Variants in GRAMD2B observed in about 807,000 individuals in gnomAD.
GRAMD2B encodes GRAM domain-containing protein 2B.
GRAMD2B carries 41 observed loss-of-function variants against 59.2 expected under a neutral mutation model. The observed-to-expected ratio is 0.69, with a 90% confidence interval of 0.54 to 0.90. The LOEUF (loss-of-function observed/expected upper bound fraction) is 0.90. GRAMD2B is among the 40% of genes least tolerant of loss of function. The pLI is 0.00. For synonymous variants in GRAMD2B, 161 were observed against 182.7 expected (o/e 0.88, Z 0.96); for missense variants, 424 against 500.5 (o/e 0.85, Z 1.46).
upstream of GRAMD2B, chr5:126,371,229 G>T: frequency 1.2e-6 from 1 of 818,826 alleles, no homozygotes; most frequent in Non-Finnish European, 1.5e-6. Context: ...AGCAAACATA[G>T]GTAGGATGAA....
intron 1 of GRAMD2B, among the ~76,000 whole-genome samples, chr5:126,431,478 T>G (rs980817666): frequency 5.9e-5 from 9 of 152,224 alleles, no homozygotes; most frequent in African/African-American, 1.9e-4. Flanking sequence ...AACAGAGGAA[T>G]TGTGACTGAG....
At chr5:126,383,920 G>A (rs536813174) in intron 1 of GRAMD2B, among the ~76,000 whole-genome samples, 1 of 152,208 alleles carries the variant, frequency 6.6e-6, no homozygotes, top group Non-Finnish European at 1.5e-5. Flanking sequence ...GAGATTCCCA[G>A]GTCTACACTG....
At chr5:126,409,710 A>G (rs1758598715) in intron 1 of GRAMD2B, among the ~76,000 whole-genome samples, 1 of 152,034 alleles carries the variant, frequency 6.6e-6, no homozygotes, top group Non-Finnish European at 1.5e-5. Flanking sequence ...CCATTTGTCA[A>G]TTTTGGCTTT....
At chr5:126,465,999 G>A (rs946747467) in intron 2 of GRAMD2B, among the ~76,000 whole-genome samples, 6 of 152,276 alleles carry the variant, frequency 3.9e-5, no homozygotes, top group South Asian at 2.1e-4. Flanking sequence ...TTGTGGGGCC[G>A]GAGGGGAGAG....
intron 1 of GRAMD2B, among the ~76,000 whole-genome samples, chr5:126,464,601 C>G (rs1397345246): frequency 1.3e-5 from 2 of 152,188 alleles, no homozygotes; most frequent in Non-Finnish European, 2.9e-5. Context: ...TCCACCTTCT[C>G]TTTTACCAAG....
chr5:126,374,603 C>A (rs1431030313), intron 1 of GRAMD2B, among the ~76,000 whole-genome samples: 1 of 152,024 alleles, frequency 6.6e-6, no homozygotes. Context: ...TTAAGAAATC[C>A]TTCCATACCC....
At chr5:126,440,045 C>G in intron 1 of GRAMD2B, among the ~76,000 whole-genome samples, 1 of 151,986 alleles carries the variant, frequency 6.6e-6, no homozygotes, top group Non-Finnish European at 1.5e-5. Flanking sequence ...ATTACCCAGT[C>G]TCCGGTGTTT....
intron 1 of GRAMD2B, among the ~76,000 whole-genome samples, chr5:126,441,118 C>T (rs759156502): frequency 9.9e-5 from 15 of 151,262 alleles, no homozygotes; most frequent in Non-Finnish European, 2.1e-4. Context: ...CTAGAATGAG[C>T]GTGTATTATG....
At chr5:126,429,479 C>A (rs1184354291) in intron 1 of GRAMD2B, among the ~76,000 whole-genome samples, 1 of 152,074 alleles carries the variant, frequency 6.6e-6, no homozygotes, top group African/African-American at 2.4e-5. Flanking sequence ...TAACAAACCC[C>A]CATGATACAA....
intron 2 of GRAMD2B, among the ~76,000 whole-genome samples, chr5:126,468,561 C>T (rs1157195035): frequency 6.6e-6 from 1 of 152,122 alleles, no homozygotes; most frequent in Non-Finnish European, 1.5e-5. Flanking sequence ...AATATCAGCT[C>T]ACTGCAACCT....
intron 1 of GRAMD2B, among the ~76,000 whole-genome samples, chr5:126,416,117 T>C (rs1759245959): frequency 6.6e-6 from 1 of 152,188 alleles, no homozygotes. Flanking sequence ...TGAGAAAATA[T>C]GAGAGATTCC....
At chr5:126,415,930 C>G (rs566186608) in intron 1 of GRAMD2B, among the ~76,000 whole-genome samples, 1 of 152,280 alleles carries the variant, frequency 6.6e-6, no homozygotes, top group South Asian at 2.1e-4. Flanking sequence ...TCAATATTAA[C>G]TACTTCAAAA....
intron 1 of GRAMD2B, among the ~76,000 whole-genome samples, chr5:126,373,290 G>C (rs943136309): frequency 6.6e-6 from 1 of 152,172 alleles, no homozygotes; most frequent in African/African-American, 2.4e-5. Context: ...GCACACATTG[G>C]TTAAATCTTT....
At chr5:126,442,522 C>T (rs1414841959) in intron 1 of GRAMD2B, among the ~76,000 whole-genome samples, 1 of 152,106 alleles carries the variant, frequency 6.6e-6, no homozygotes, top group African/African-American at 2.4e-5. Context: ...AAACTCCCAA[C>T]CTCAAATGAT....
chr5:126,408,433 T>C (rs1404796198), intron 1 of GRAMD2B, among the ~76,000 whole-genome samples: 2 of 151,960 alleles, frequency 1.3e-5, no homozygotes, highest in East Asian at 1.9e-4. Flanking sequence ...GTCTTTTTGG[T>C]ACAATGATTA....
At chr5:126,414,657 C>T (rs903655279) in intron 1 of GRAMD2B, among the ~76,000 whole-genome samples, 1 of 152,048 alleles carries the variant, frequency 6.6e-6, no homozygotes, top group Non-Finnish European at 1.5e-5. Flanking sequence ...TTTGTAGAGA[C>T]AGTGTCTCAC....
intron 10 of GRAMD2B, 75 bp downstream of exon 10, chr5:126,484,599 T>TA (rs1217715506): frequency 7.9e-7 from 1 of 1,260,734 alleles, no homozygotes; most frequent in Non-Finnish European, 1.1e-6. Flanking sequence ...TTTTTTTTTT[T>TA]AGACAGCATC....
At chr5:126,371,617 C>T (rs1483296336) in intron 1 of GRAMD2B, 2 of 1,246,852 alleles carry the variant, frequency 1.6e-6, no homozygotes, top group African/African-American at 1.5e-5. Flanking sequence ...CTGGTGGCCT[C>T]AGCTACCCAA....
At chr5:126,454,026 A>T (rs772643057) in intron 1 of GRAMD2B, among the ~76,000 whole-genome samples, 1 of 152,266 alleles carries the variant, frequency 6.6e-6, no homozygotes, top group Non-Finnish European at 1.5e-5. Flanking sequence ...GGATTTGTTC[A>T]GAATCTGGTA....
Sources: allele counts gnomAD v4.1 joint callset (sites outside exome capture counted in the v4.1 genomes callset), GRCh38; gene constraint gnomAD v4.1.1; transcripts MANE v1.5; gene names NCBI Gene and HGNC (gene_info 2026-07-23, HGNC 2026-07-21).